Variants in TSPAN5 observed in about 807,000 individuals in gnomAD.
TSPAN5 encodes the protein tetraspanin 5, also known as tetraspanin-5.
Under a neutral mutation model 37.1 loss-of-function variants are expected in TSPAN5, and 10 were observed. The ratio of observed to expected loss-of-function variants is 0.27; its 90% CI spans 0.17 to 0.46. TSPAN5 has a LOEUF of 0.46. TSPAN5 is among the 20% of genes least tolerant of loss of function. TSPAN5 has a pLI of 1.00. For synonymous variants in TSPAN5, 110 were observed against 118.9 expected (o/e 0.93, Z 0.48); for missense variants, 195 against 326.6 (o/e 0.60, Z 3.11).
intron 5 of TSPAN5, among the ~76,000 whole-genome samples, chr4:98,476,689 G>C (rs1186153877): frequency 6.6e-6 from 1 of 152,148 alleles, no homozygotes; most frequent in Non-Finnish European, 1.5e-5. Flanking sequence ...GAAAACTAAG[G>C]CTTGGGGAAT....
At chr4:98,647,797 C>T (rs1289545922) in intron 1 of TSPAN5, among the ~76,000 whole-genome samples, 3 of 151,544 alleles carry the variant, frequency 2.0e-5, no homozygotes, top group Non-Finnish European at 4.4e-5. Context: ...TATCACAGTG[C>T]TAACCATTGG....
chr4:98,477,720 G>C (rs1297290296), intron 5 of TSPAN5, among the ~76,000 whole-genome samples: 2 of 151,646 alleles, frequency 1.3e-5, no homozygotes, highest in African/African-American at 4.9e-5. Flanking sequence ...GGAGGGCAGT[G>C]GCATGATCAT....
At chr4:98,506,098 G>A (rs1753473299) in intron 2 of TSPAN5, among the ~76,000 whole-genome samples, 1 of 152,144 alleles carries the variant, frequency 6.6e-6, no homozygotes, top group South Asian at 2.1e-4. Flanking sequence ...ACCAACTGCT[G>A]TTTATTGCTA....
intron 2 of TSPAN5, among the ~76,000 whole-genome samples, chr4:98,499,233 G>A (rs1753286468): frequency 6.6e-6 from 1 of 152,264 alleles, no homozygotes; most frequent in Admixed American, 6.5e-5. Flanking sequence ...TGCCCGGGCA[G>A]GCGGTGGGCA....
intron 2 of TSPAN5, among the ~76,000 whole-genome samples, chr4:98,503,276 G>T (rs958610115): frequency 2.0e-5 from 3 of 152,020 alleles, no homozygotes; most frequent in Non-Finnish European, 4.4e-5. Flanking sequence ...GGGGAGAAAG[G>T]ACGCAATCCA....
At position 98,598,933 on chromosome 4, in the gene TSPAN5, T is replaced by C. The variant is rs182838092; in HGVS notation, c.81+59213A>G. Among the ~76,000 whole-genome samples, 14 of 152,286 alleles carry C rather than the reference T, an allele frequency of 9.2e-5. No individual in the cohort carries two copies. The East Asian group carries it at 2.1e-3, about 23-fold the overall frequency. On this transcript the variant is annotated intron_variant, in intron 1 of 7. Coordinates refer to ENST00000305798, the MANE Select transcript of TSPAN5 (RefSeq NM_005723.4). ...AATTCTGTTCTGTTGTTATTTATAC[T>C]CCTTAAACAATAAAAGGACAAAGTT... is the stretch of plus-strand genomic sequence containing the variant.
At chr4:98,475,970 A>G (rs573057089) in intron 7 of TSPAN5, among the ~76,000 whole-genome samples, 6 of 152,136 alleles carry the variant, frequency 3.9e-5, no homozygotes, top group Non-Finnish European at 7.4e-5. Flanking sequence ...AGCCTGGGCG[A>G]CAGAGCAAGA....
At position 98,556,044 on chromosome 4, in the gene TSPAN5, CA is replaced by C. The variant is rs1560535935; in HGVS notation, c.82-48317del. On this transcript the variant is annotated intron_variant, in intron 1 of 7. Transcript: ENST00000305798. ...CACCCCCACACACACAGCACCCCCA[CA>C]CACACACACACACACACACAGGTAG... is the stretch of plus-strand genomic sequence containing the variant. Among the ~76,000 whole-genome samples the C allele has an allele frequency of 7.8e-3, 936 of 119,264 alleles. 161 individuals are homozygous for C. The highest frequency in any genetic ancestry group is 0.031 in the African/African-American group (888 of 28,320). 78.2% of individuals were successfully genotyped at this position (119,264 alleles called of 152,430 possible). A position where few individuals can be genotyped will look rare whatever the true frequency, so the allele number is the denominator to read the frequency against.
chr4:98,592,899 C>T (rs1278242224), intron 1 of TSPAN5, among the ~76,000 whole-genome samples: 7 of 146,628 alleles, frequency 4.8e-5, no homozygotes, highest in African/African-American at 7.6e-5. Flanking sequence ...AATAAACATA[C>T]GTGTGCATGT....
chr4:98,591,076 TG>T (rs1445988059), intron 1 of TSPAN5, among the ~76,000 whole-genome samples: 1,728 of 149,408 alleles, frequency 0.012, 22 homozygotes, highest in African/African-American at 0.026. Flanking sequence ...TTTGTTTTTT[TG>T]TTTTTTTTTT....
intron 2 of TSPAN5, among the ~76,000 whole-genome samples, chr4:98,491,651 G>A (rs1213799588): frequency 6.7e-6 from 1 of 149,622 alleles, no homozygotes; most frequent in African/African-American, 2.5e-5. Flanking sequence ...TTGAGCCACT[G>A]CACTCCAGCC....
intron 1 of TSPAN5, among the ~76,000 whole-genome samples, chr4:98,515,168 T>C (rs1578959743): frequency 6.6e-6 from 1 of 152,020 alleles, no homozygotes; most frequent in Non-Finnish European, 1.5e-5. Context: ...AGGAGCCAGG[T>C]TGTGTTGGGC....
chr4:98,631,293 T>G (rs1429320878), intron 1 of TSPAN5, among the ~76,000 whole-genome samples: 1 of 152,060 alleles, frequency 6.6e-6, no homozygotes, highest in Non-Finnish European at 1.5e-5. Context: ...CACTGAGAAG[T>G]GGCAAGAAAG....
intron 1 of TSPAN5, among the ~76,000 whole-genome samples, chr4:98,578,937 C>A (rs1469810584): frequency 6.6e-6 from 1 of 152,118 alleles, no homozygotes; most frequent in African/African-American, 2.4e-5. Context: ...TATAGGGTAA[C>A]AATGATCTAT....
chr4:98,565,825 C>T (rs144904567), intron 1 of TSPAN5, among the ~76,000 whole-genome samples: 6 of 152,276 alleles, frequency 3.9e-5, no homozygotes, highest in African/African-American at 1.4e-4. Context: ...CACCTGCATG[C>T]CCCATTCAGA....
intron 1 of TSPAN5, among the ~76,000 whole-genome samples, chr4:98,638,440 G>T (rs527797009): frequency 2.6e-5 from 4 of 152,328 alleles, no homozygotes; most frequent in African/African-American, 9.6e-5. Flanking sequence ...GGAGGCCCGG[G>T]TGATTACCTC....
chr4:98,495,384 C>T (rs1753179241), intron 2 of TSPAN5, among the ~76,000 whole-genome samples: 1 of 152,018 alleles, frequency 6.6e-6, no homozygotes, highest in Non-Finnish European at 1.5e-5. Context: ...AAAAAATTAG[C>T]CAGGTGTGGT....
intron 1 of TSPAN5, among the ~76,000 whole-genome samples, chr4:98,592,431 T>TTG (rs1235526177): frequency 2.7e-4 from 11 of 41,092 alleles, no homozygotes; most frequent in African/African-American, 6.6e-4. Context: ...GTTTTTTGTT[T>TTG]TTTTTTTTTT....
At chr4:98,654,904 T>C (rs1757264193) in intron 1 of TSPAN5, among the ~76,000 whole-genome samples, 1 of 152,188 alleles carries the variant, frequency 6.6e-6, no homozygotes, top group African/African-American at 2.4e-5. Context: ...TGGAGTACAG[T>C]GGTGTGATCT....
Sources: allele counts gnomAD v4.1 joint callset (sites outside exome capture counted in the v4.1 genomes callset), GRCh38; gene constraint gnomAD v4.1.1; transcripts MANE v1.5; gene names NCBI Gene and HGNC (gene_info 2026-07-23, HGNC 2026-07-21).